The following SP140L variants were observed in gnomAD, a reference collection of about 807,000 sequenced individuals.
The protein encoded by SP140L is nuclear body protein SP140-like protein.
SP140L carries 64 observed loss-of-function variants against 84.3 expected under a neutral mutation model. The observed-to-expected ratio is 0.76, with a 90% CI of 0.62 to 0.94. The LOEUF (loss-of-function observed/expected upper bound fraction) is 0.94, where lower values mean the gene tolerates loss of function less well. Ranked by LOEUF, SP140L falls within the 40% of genes least tolerant of loss-of-function variation. The pLI, the probability that SP140L is intolerant of heterozygous loss-of-function variation, is 0.00. For synonymous variants in SP140L, 242 were observed against 236.9 expected (o/e 1.02, Z -0.20); for missense variants, 628 against 692.5 (o/e 0.91, Z 1.05).
intron 2 of SP140L, among the ~76,000 whole-genome samples, chr2:230,340,399 T>A (rs2060005005): frequency 6.7e-6 from 1 of 148,572 alleles, no homozygotes; most frequent in South Asian, 2.1e-4. Context: ...GCACGTGAGA[T>A]GCGTTTCCTG....
chr2:230,369,703 A>G lies in SP140L; in HGVS notation c.524-1205A>G, dbSNP rs148944884. Among the ~76,000 whole-genome samples, 907 of 152,318 alleles carry G rather than the reference A, an allele frequency of 6.0e-3. 6 individuals are homozygous for G. The highest frequency in any genetic ancestry group is 0.021 in the African/African-American group (857 of 41,568). On this transcript the variant is annotated intron_variant, in intron 5 of 18. Coordinates refer to ENST00000415673, the MANE Select transcript of SP140L (RefSeq NM_138402.6). Reference sequence around the variant, plus strand: ...CTAGCTCTCAGAAATGATTAGTGATATAAGTAATCAATGGCCAATTAGGAC... The same window carrying G: ...CTAGCTCTCAGAAATGATTAGTGATGTAAGTAATCAATGGCCAATTAGGAC...
intron 2 of SP140L, among the ~76,000 whole-genome samples, chr2:230,342,393 G>A (rs2149696377): frequency 6.6e-6 from 1 of 152,320 alleles, no homozygotes; most frequent in Admixed American, 6.5e-5. Flanking sequence ...CCCACTGTCT[G>A]GCACTCTCTA....
At chr2:230,400,293 T>C in intron 15 of SP140L, 51 bp downstream of exon 15, 1 of 1,560,208 alleles carries the variant, frequency 6.4e-7, no homozygotes, top group African/African-American at 1.4e-5. Flanking sequence ...ACCTTCCACC[T>C]GCCATGCGCA....
intron 4 of SP140L, among the ~76,000 whole-genome samples, chr2:230,361,235 A>C (rs1329889299): frequency 6.6e-6 from 1 of 152,146 alleles, no homozygotes; most frequent in South Asian, 2.1e-4. Context: ...TACAAGCATG[A>C]GCCACTGCAC....
At chr2:230,339,775 G>C (rs1235633292) in intron 2 of SP140L, among the ~76,000 whole-genome samples, 9 of 139,982 alleles carry the variant, frequency 6.4e-5, no homozygotes, top group Non-Finnish European at 1.2e-4. Context: ...TTCAGGAGCA[G>C]GTTGTTCAGT....
chr2:230,395,075 T>TA (rs2061990765), intron 13 of SP140L, among the ~76,000 whole-genome samples: 1 of 141,510 alleles, frequency 7.1e-6, no homozygotes, highest in African/African-American at 2.6e-5. Flanking sequence ...TTCAAGCAAT[T>TA]CTCCTGCCTC....
rs143960173 is a variant in SP140L at position 230,367,666 on chromosome 2, G to C, written c.524-3242G>C. 7.3e-4 allele frequency among the ~76,000 whole-genome samples: 111 copies of C among 152,276 alleles called. 1 individual carries two copies. The highest frequency in any genetic ancestry group is 2.2e-3 in the African/African-American group (93 of 41,558). On this transcript the variant is annotated intron_variant, in intron 5 of 18. Coordinates refer to ENST00000415673, the MANE Select transcript of SP140L (RefSeq NM_138402.6). Reference sequence around the variant, plus strand: ...GTTCCTTAACAAATTATTGTAGCTAGGCTGGGTGCGGTGGCTCATGACTGT... The same window carrying C: ...GTTCCTTAACAAATTATTGTAGCTACGCTGGGTGCGGTGGCTCATGACTGT...
chr2:230,357,868 C>T lies in SP140L; in HGVS notation c.171C>T (p.Phe57=). 6.2e-7 allele frequency: 1 copy of T among 1,614,048 alleles called. No individual in the cohort carries two copies. The highest frequency in any genetic ancestry group is 8.5e-7 in the Non-Finnish European group (1 of 1,179,956). ...TCTATGACACTGTATTCAAGCACTT[C>T]AAAAGACATAAGCTGGAGATATCAA... ...GLVYDTVFKH[F]KRHKLEISNA... The change falls in exon 3 of 19, where the codon TTC becomes TTT. Residue 57 remains phenylalanine (F), a synonymous_variant. Coordinates refer to ENST00000415673, the MANE Select transcript of SP140L (RefSeq NM_138402.6).
chr2:230,361,914 G>C (rs951603959), intron 5 of SP140L, among the ~76,000 whole-genome samples: 4 of 152,144 alleles, frequency 2.6e-5, no homozygotes, highest in African/African-American at 9.7e-5. Flanking sequence ...TAACCATGAA[G>C]GAACCAGAGC....
chr2:230,361,757 G>A, intron 5 of SP140L, 60 bp downstream of exon 5: 1 of 1,317,414 alleles, frequency 7.6e-7, no homozygotes, highest in Non-Finnish European at 1.1e-6. Flanking sequence ...AGACAAGGGA[G>A]GTGAGGGCCC....
chr2:230,361,755 G>C (rs2060724538), intron 5 of SP140L, 58 bp downstream of exon 5: 1 of 1,345,718 alleles, frequency 7.4e-7, no homozygotes, highest in African/African-American at 1.5e-5. Context: ...GGAGACAAGG[G>C]AGGTGAGGGC....
intron 2 of SP140L, among the ~76,000 whole-genome samples, chr2:230,332,371 A>G (rs879939268): frequency 6.6e-6 from 1 of 152,202 alleles, no homozygotes; most frequent in South Asian, 2.1e-4. Context: ...TTAACCTTTT[A>G]GCTCTTCCTT....
intron 5 of SP140L, among the ~76,000 whole-genome samples, chr2:230,367,175 A>G (rs1370915763): frequency 1.3e-5 from 2 of 152,122 alleles, no homozygotes; most frequent in African/African-American, 2.4e-5. Flanking sequence ...CTTACAAAAA[A>G]TATCTTATAG....
chr2:230,352,812 G>GTGTATA (rs1553617035), intron 2 of SP140L, among the ~76,000 whole-genome samples: 42 of 148,214 alleles, frequency 2.8e-4, no homozygotes, highest in African/African-American at 1.0e-3. Context: ...GTGTATGTGT[G>GTGTATA]TATATATATA....
chr2:230,390,070 T>A, intron 11 of SP140L, 47 bp downstream of exon 11: 2 of 1,505,614 alleles, frequency 1.3e-6, no homozygotes, highest in Non-Finnish European at 1.8e-6. Context: ...TCTGAAGGCA[T>A]CACAAGAAGT....
At chr2:230,381,392 C>A (rs13384148) in intron 7 of SP140L, among the ~76,000 whole-genome samples, 1 of 151,954 alleles carries the variant, frequency 6.6e-6, no homozygotes, top group African/African-American at 2.4e-5. Context: ...ATCCTTGAAG[C>A]AATACCCTGA....
chr2:230,353,141 T>C (rs1044529474), intron 2 of SP140L, among the ~76,000 whole-genome samples: 1 of 152,110 alleles, frequency 6.6e-6, no homozygotes, highest in Non-Finnish European at 1.5e-5. Flanking sequence ...TTTTCTCTTA[T>C]TCAATCTCAT....
chr2:230,354,894 AAAGG>A (rs1553617630), intron 2 of SP140L, among the ~76,000 whole-genome samples: 13 of 148,686 alleles, frequency 8.7e-5, no homozygotes, highest in Admixed American at 2.0e-4. Context: ...AGAAAGAAAG[AAAGG>A]AAAGAGAAAG....
intron 2 of SP140L, among the ~76,000 whole-genome samples, chr2:230,346,184 A>G (rs1328475464): frequency 6.6e-6 from 1 of 152,054 alleles, no homozygotes; most frequent in Non-Finnish European, 1.5e-5. Flanking sequence ...TTTTCTTTCA[A>G]TATTTTGAAT....
Sources: allele counts gnomAD v4.1 joint callset (sites outside exome capture counted in the v4.1 genomes callset), GRCh38; gene constraint gnomAD v4.1.1; transcripts MANE v1.5; gene names NCBI Gene and HGNC (gene_info 2026-07-23, HGNC 2026-07-21).